The following SBF2 variants were observed in gnomAD, a reference collection of about 807,000 sequenced individuals.
The protein encoded by SBF2 is myotubularin-related protein 13.
A neutral mutation model predicts 225.2 loss-of-function variants in SBF2; 112 were observed. That is an observed-to-expected ratio of 0.50 (90% CI 0.43 to 0.58). The LOEUF (loss-of-function observed/expected upper bound fraction) is 0.58. Among genes scored for constraint, SBF2 ranks in the 20% least tolerant of loss-of-function variants. The pLI, the probability that SBF2 is intolerant of heterozygous loss-of-function variation, is 0.00. For missense variants in SBF2, 1,996 were observed against 2,206.2 expected (o/e 0.90, Z 1.91); for synonymous variants, 763 against 773.3 (o/e 0.99, Z 0.22).
At chr11:10,239,212 C>G (rs1959176569) in intron 1 of SBF2, among the ~76,000 whole-genome samples, 1 of 150,276 alleles carries the variant, frequency 6.7e-6, no homozygotes, top group Admixed American at 6.6e-5. Flanking sequence ...AAATTTTTAC[C>G]AAAATTCAAT....
chr11:10,197,567 T>C (rs1333984469), intron 1 of SBF2, among the ~76,000 whole-genome samples: 1 of 152,226 alleles, frequency 6.6e-6, no homozygotes, highest in African/African-American at 2.4e-5. Flanking sequence ...GGCTGCTAAC[T>C]GATCAGGGTG....
chr11:10,138,321 G>C (rs1366770308), intron 2 of SBF2, among the ~76,000 whole-genome samples: 1 of 151,844 alleles, frequency 6.6e-6, no homozygotes, highest in Non-Finnish European at 1.5e-5. Context: ...CTGACTATAG[G>C]GTCTCTAGTG....
At chr11:10,213,595 A>G (rs1228192055) in intron 1 of SBF2, among the ~76,000 whole-genome samples, 2 of 152,184 alleles carry the variant, frequency 1.3e-5, no homozygotes, top group Non-Finnish European at 2.9e-5. Flanking sequence ...CTTGTCTTTC[A>G]TCATGAAGTT....
chr11:10,266,404 T>C (rs1207805372), intron 1 of SBF2, among the ~76,000 whole-genome samples: 1 of 152,178 alleles, frequency 6.6e-6, no homozygotes, highest in Non-Finnish European at 1.5e-5. Flanking sequence ...GGAGGGGATA[T>C]CCCTGCATGC....
intron 28 of SBF2, among the ~76,000 whole-genome samples, chr11:9,827,588 C>T (rs1049125555): frequency 6.6e-6 from 1 of 151,682 alleles, no homozygotes. Flanking sequence ...TGAAAAGAAT[C>T]TCACATAAAC....
chr11:9,810,249 C>T (rs1159152765), intron 30 of SBF2: 1 of 152,160 alleles, frequency 6.6e-6, no homozygotes, highest in Non-Finnish European at 1.5e-5. Flanking sequence ...GCACTCTAGC[C>T]TGGGTGACAG....
At chr11:10,126,830 A>G (rs1953778655) in intron 2 of SBF2, among the ~76,000 whole-genome samples, 1 of 152,122 alleles carries the variant, frequency 6.6e-6, no homozygotes, top group Non-Finnish European at 1.5e-5. Context: ...TACTATAATC[A>G]TACATCAGGA....
intron 19 of SBF2, among the ~76,000 whole-genome samples, chr11:9,854,842 C>T (rs181191882): frequency 8.2e-4 from 125 of 152,284 alleles, no homozygotes; most frequent in Admixed American, 2.7e-3. Flanking sequence ...CCTCCCACTT[C>T]GGTCTCCCAA....
chr11:9,851,535 T>C (rs1856954152), intron 21 of SBF2, among the ~76,000 whole-genome samples: 1 of 152,208 alleles, frequency 6.6e-6, no homozygotes, highest in African/African-American at 2.4e-5. Flanking sequence ...ATATAATACA[T>C]TCCTCTGAAG....
upstream of SBF2, among the ~76,000 whole-genome samples, chr11:10,297,710 CTGTCA>C (rs1964560793): frequency 6.6e-6 from 1 of 152,220 alleles, no homozygotes; most frequent in Admixed American, 6.5e-5. Context: ...TCATCTGTTA[CTGTCA>C]TAAGTAGACT....
In SBF2 at chr11:9,781,666, A is replaced by G. The variant is rs201258983; in HGVS notation, c.5320-28T>C. 1.1e-5 allele frequency: 18 copies of G among 1,613,996 alleles called. No homozygotes were observed. The African/African-American group carries it at 2.3e-4, about 20-fold the overall frequency. On this transcript the variant is annotated intron_variant, in intron 38 of 39. Coordinates refer to ENST00000256190, the MANE Select transcript of SBF2 (RefSeq NM_030962.4). ...GGAACCAAAAGGATACAAGTGAGAT[A>G]TAAGAGACAGAAAGAGAAAATGCCA...
At chr11:10,283,668 T>C (rs543344519) in intron 1 of SBF2, among the ~76,000 whole-genome samples, 1 of 152,190 alleles carries the variant, frequency 6.6e-6, no homozygotes, top group African/African-American at 2.4e-5. Context: ...AGGTAGTCAT[T>C]ATCAATTTTT....
At chr11:9,943,552 A>T (rs1056165169) in intron 16 of SBF2, among the ~76,000 whole-genome samples, 4 of 152,172 alleles carry the variant, frequency 2.6e-5, no homozygotes, top group Admixed American at 2.6e-4. Context: ...AAACAATGCG[A>T]AAGAAAAAAG....
At chr11:9,936,762 TG>T (rs1324449383) in intron 16 of SBF2, among the ~76,000 whole-genome samples, 1 of 152,102 alleles carries the variant, frequency 6.6e-6, no homozygotes, top group African/African-American at 2.4e-5. Flanking sequence ...TGAGAACATT[TG>T]GACACAGGGC....
chr11:9,812,846 A>T, intron 29 of SBF2, 138 bp from the exon 30 acceptor site: 3 of 817,094 alleles, frequency 3.7e-6, no homozygotes, highest in Non-Finnish European at 6.0e-6. Flanking sequence ...CAAGAAAGTC[A>T]ATCTTGTACA....
intron 28 of SBF2, among the ~76,000 whole-genome samples, chr11:9,828,876 T>C (rs1855217123): frequency 6.7e-6 from 1 of 149,624 alleles, no homozygotes; most frequent in African/African-American, 2.5e-5. Flanking sequence ...TCCCACTTCC[T>C]CTCCAATTAC....
intron 1 of SBF2, among the ~76,000 whole-genome samples, chr11:10,259,472 CCTAA>C (rs1414708744): frequency 1.1e-4 from 16 of 152,216 alleles, no homozygotes; most frequent in African/African-American, 2.4e-4. Flanking sequence ...GTCCTTAGAA[CCTAA>C]CTAAGAAAAA....
At chr11:10,163,321 A>G (rs1232011697) in intron 2 of SBF2, among the ~76,000 whole-genome samples, 1 of 152,182 alleles carries the variant, frequency 6.6e-6, no homozygotes, top group African/African-American at 2.4e-5. Flanking sequence ...TTGCACAACT[A>G]ATTTTCCACA....
intron 17 of SBF2, among the ~76,000 whole-genome samples, chr11:9,862,864 T>C (rs1295165231): frequency 1.3e-5 from 2 of 152,236 alleles, no homozygotes; most frequent in Admixed American, 1.3e-4. Flanking sequence ...CATAATCTTT[T>C]AATATTGCAC....
Sources: gnomAD v4.1 joint callset for allele counts (sites outside exome capture counted in the v4.1 genomes callset) on GRCh38, gnomAD v4.1.1 for gene constraint, MANE v1.5 for transcripts, NCBI Gene and HGNC (gene_info 2026-07-23, HGNC 2026-07-21) for gene names.